Variants in COMMD10 observed in about 807,000 individuals in gnomAD.
COMMD10 encodes the protein COMM domain containing 10.
A neutral mutation model predicts 28.9 loss-of-function variants in COMMD10; 33 were observed. That is an observed-to-expected ratio of 1.14 (90% CI 0.87 to 1.53). The LOEUF (loss-of-function observed/expected upper bound fraction) is 1.53. COMMD10 is among the 40% of genes most tolerant of loss of function. COMMD10 has a pLI of 0.00. For synonymous variants in COMMD10, 110 were observed against 81.7 expected (o/e 1.35, Z -1.87); for missense variants, 310 against 233.4 (o/e 1.33, Z -2.14).
intron 5 of COMMD10, among the ~76,000 whole-genome samples, chr5:116,145,811 TCCTTC>T (rs1361473591): frequency 2.0e-5 from 3 of 151,938 alleles, no homozygotes; most frequent in African/African-American, 7.2e-5. Flanking sequence ...TCAGCACTTC[TCCTTC>T]CTGCCAACTT....
chr5:116,129,956 G>T (rs1347036962), intron 4 of COMMD10, among the ~76,000 whole-genome samples: 2 of 150,984 alleles, frequency 1.3e-5, no homozygotes, highest in Non-Finnish European at 3.0e-5. Context: ...CTGTGAAGCT[G>T]TGTGTGTGGG....
chr5:116,222,836 T>A (rs1247561227), intron 5 of COMMD10, among the ~76,000 whole-genome samples: 1 of 151,986 alleles, frequency 6.6e-6, no homozygotes, highest in East Asian at 1.9e-4. Flanking sequence ...GGACTACAGT[T>A]ACATGCCACC....
At chr5:116,130,390 T>C (rs887859733) in intron 4 of COMMD10, among the ~76,000 whole-genome samples, 7 of 152,042 alleles carry the variant, frequency 4.6e-5, no homozygotes, top group Middle Eastern at 3.4e-3. Flanking sequence ...AGTTCACTTA[T>C]TAGTTTTCTG....
rs572968247 is a variant in COMMD10 at position 116,113,939 on chromosome 5, A to G, written c.400-20129A>G. On this transcript the variant is annotated intron_variant, in intron 4 of 6. Transcript: ENST00000274458. ...TTTCAATTTAACTTTTGTTTGGAGT[A>G]GACTTTGCTCCTTTATATGTGACTT... 2.6e-5 allele frequency among the ~76,000 whole-genome samples: 4 copies of G among 151,292 alleles called. No homozygotes were observed. The South Asian group carries it at 6.3e-4, about 24-fold the overall frequency.
At chr5:116,117,018 G>A (rs960310174) in intron 4 of COMMD10, among the ~76,000 whole-genome samples, 1 of 151,914 alleles carries the variant, frequency 6.6e-6, no homozygotes, top group African/African-American at 2.4e-5. Context: ...GTCTGCTCTT[G>A]GATTTAACGT....
chr5:116,175,095 G>T (rs532308636), intron 5 of COMMD10, among the ~76,000 whole-genome samples: 2 of 152,164 alleles, frequency 1.3e-5, no homozygotes, highest in Non-Finnish European at 2.9e-5. Flanking sequence ...GCCACATTCA[G>T]AGTGGACTTT....
chr5:116,110,062 T>C (rs529022885), intron 4 of COMMD10, among the ~76,000 whole-genome samples: 1 of 152,346 alleles, frequency 6.6e-6, no homozygotes, highest in South Asian at 2.1e-4. Context: ...CCCAGTTTGT[T>C]GAGAGTTTGT....
Position 116,272,254 on chromosome 5 carries a change from T to C in COMMD10, c.511-19263T>C, listed in dbSNP as rs546702430. ...GAAAAAAATGGGTATTCTTTATAGA[T>C]ATTTTTAAGATCAGGAAATAAAAAG... On this transcript the variant is annotated intron_variant, in intron 5 of 6. Transcript: ENST00000274458. Among the ~76,000 whole-genome samples, 247 of 151,936 alleles carry C rather than the reference T, an allele frequency of 1.6e-3. 7 individuals are homozygous for C. The highest frequency in any genetic ancestry group is 5.7e-3 in the African/African-American group (236 of 41,284).
chr5:116,282,963 G>A (rs1267570844), intron 5 of COMMD10, among the ~76,000 whole-genome samples: 1 of 151,976 alleles, frequency 6.6e-6, no homozygotes, highest in Admixed American at 6.6e-5. Flanking sequence ...ACACATAGGA[G>A]CAGAGACTTC....
chr5:116,179,375 A>G (rs924679000), intron 5 of COMMD10, among the ~76,000 whole-genome samples: 9 of 152,178 alleles, frequency 5.9e-5, no homozygotes, highest in Non-Finnish European at 1.5e-5. Flanking sequence ...GAGTTACACT[A>G]CTGGATAATG....
At chr5:116,205,139 T>G (rs1541654) in intron 5 of COMMD10, among the ~76,000 whole-genome samples, 48,563 of 151,952 alleles carry the variant, frequency 0.32, 10,930 homozygotes, top group African/African-American at 0.64. Flanking sequence ...CCTTAACTCT[T>G]AAAGCAATAA....
chr5:116,103,286 A>G (rs1208611022), intron 4 of COMMD10, among the ~76,000 whole-genome samples: 16 of 152,220 alleles, frequency 1.1e-4, no homozygotes, highest in Admixed American at 9.2e-4. Context: ...ACTCCCACCA[A>G]CAGTATAAAA....
intron 5 of COMMD10, among the ~76,000 whole-genome samples, chr5:116,194,173 T>C (rs1270911805): frequency 3.0e-4 from 46 of 152,066 alleles, no homozygotes; most frequent in Admixed American, 3.0e-3. Flanking sequence ...AAGGTAGTGC[T>C]AAGAGGAAAG....
At chr5:116,107,606 T>C (rs11742121) in intron 4 of COMMD10, among the ~76,000 whole-genome samples, 112,230 of 152,018 alleles carry the variant, frequency 0.74, 41,821 homozygotes, top group Non-Finnish European at 0.8. Flanking sequence ...TTCTTAGCTT[T>C]CTTGCATTGG....
chr5:116,243,021 T>A (rs543064537), intron 5 of COMMD10, among the ~76,000 whole-genome samples: 1 of 152,324 alleles, frequency 6.6e-6, no homozygotes, highest in South Asian at 2.1e-4. Context: ...TTTCCTTTGA[T>A]CCTGTTTTTC....
chr5:116,158,851 G>GTTT (rs373892846), intron 5 of COMMD10, among the ~76,000 whole-genome samples: 1,539 of 144,882 alleles, frequency 0.011, 27 homozygotes, highest in African/African-American at 0.035. Context: ...GCAAACAGTT[G>GTTT]TTTTTTTTTT....
At chr5:116,124,933 A>G (rs946603778) in intron 4 of COMMD10, among the ~76,000 whole-genome samples, 4 of 151,976 alleles carry the variant, frequency 2.6e-5, no homozygotes, top group Non-Finnish European at 4.4e-5. Flanking sequence ...ATCTTCCTCT[A>G]TCCCTTTATT....
At chr5:116,151,152 G>C (rs986482072) in intron 5 of COMMD10, among the ~76,000 whole-genome samples, 10 of 151,844 alleles carry the variant, frequency 6.6e-5, no homozygotes, top group African/African-American at 2.4e-4. Context: ...TTTATATGCT[G>C]GATTACATTT....
intron 4 of COMMD10, among the ~76,000 whole-genome samples, chr5:116,130,708 A>G (rs1167607075): frequency 6.6e-6 from 1 of 152,050 alleles, no homozygotes. Flanking sequence ...TCTTCTAGCC[A>G]CATGGCTAAG....
Sources: gnomAD v4.1 joint callset for allele counts (sites outside exome capture counted in the v4.1 genomes callset) on GRCh38, gnomAD v4.1.1 for gene constraint, MANE v1.5 for transcripts, NCBI Gene and HGNC (gene_info 2026-07-23, HGNC 2026-07-21) for gene names.